Variants in RBMX observed in about 807,000 individuals in gnomAD.
The protein encoded by RBMX is RNA-binding motif protein, X chromosome.
A neutral mutation model predicts 29.3 loss-of-function variants in RBMX; 1 was observed. The observed-to-expected ratio is 0.03, with a 90% CI of 0.01 to 0.16. The LOEUF is 0.16. Ranked by LOEUF, RBMX falls within the 10% of genes least tolerant of loss-of-function variation. The probability of loss-of-function intolerance (pLI) is 1.00; values close to 1 mark genes in which losing one functional copy is unlikely to be tolerated. For synonymous variants in RBMX, 102 were observed against 102.3 expected, an observed-to-expected ratio of 1.00 and a Z score of 0.02; for missense variants, 121 against 333.2, an observed-to-expected ratio of 0.36 and a Z score of 4.96.
intron 3 of RBMX, among the ~76,000 whole-genome samples, chrX:136,878,745 CAAAA>C (rs749152530): frequency 2.7e-5 from 1 of 37,107 alleles, no homozygotes; most frequent in African/African-American, 8.9e-5. Context: ...GGGAGACTAT[CAAAA>C]AAAAAAAAAA....
downstream of RBMX, chrX:136,872,698 C>A (rs1236241512): frequency 1.8e-5 from 3 of 166,070 alleles, no homozygotes; most frequent in Middle Eastern, 2.1e-3. Flanking sequence ...GCATCTTTTT[C>A]AACTTCATGG....
At chrX:136,878,281 A>G (rs1207426689) in intron 3 of RBMX, among the ~76,000 whole-genome samples, 195 bp from the exon 4 acceptor site, 1 of 110,910 alleles carries the variant, frequency 9.0e-6, no homozygotes, top group Admixed American at 9.7e-5. Flanking sequence ...AATACTTAAA[A>G]CCGATACTGA....
downstream of RBMX, chrX:136,872,771 C>T (rs1159392835): frequency 7.7e-6 from 1 of 130,419 alleles, no homozygotes; most frequent in Non-Finnish European, 1.5e-5. Context: ...TAGATTTTCT[C>T]CATACAGTGT....
intron 5 of RBMX, among the ~76,000 whole-genome samples, chrX:136,875,861 G>A (rs752627094): frequency 1.8e-4 from 19 of 108,426 alleles, no homozygotes; most frequent in Middle Eastern, 4.7e-3. Context: ...GAGTGCAGTC[G>A]CGCAATCTTG....
chrX:136,870,150 T>C (rs1428691545), downstream of RBMX: 1 of 112,717 alleles, frequency 8.9e-6, no homozygotes, highest in African/African-American at 3.2e-5. Context: ...AGCTGTAAAA[T>C]CTATGTGAAG....
downstream of RBMX, among the ~76,000 whole-genome samples, chrX:136,870,659 T>C (rs1035169534): frequency 1.8e-5 from 2 of 108,257 alleles, no homozygotes; most frequent in Admixed American, 2.0e-4. Flanking sequence ...AGTGAAACCC[T>C]GTCTCTACAA....
downstream of RBMX, chrX:136,872,302 G>T: frequency 8.6e-7 from 1 of 1,165,776 alleles, no homozygotes; most frequent in South Asian, 1.9e-5. Context: ...TATCTACTGT[G>T]AATCAATCAG....
In RBMX at chrX:136,873,693, T is replaced by C. The variant is rs1359277128; in HGVS notation, c.*449A>G. 41 of 760,414 alleles carry C rather than the reference T, an allele frequency of 5.4e-5. No homozygotes were observed. The highest frequency in any genetic ancestry group is 1.3e-4 in the South Asian group (2 of 15,078). 62.7% of individuals were successfully genotyped at this position (760,414 alleles called of 1,213,427 possible). A position where few individuals can be genotyped will look rare whatever the true frequency, so the allele number is the denominator to read the frequency against. ...CGTACTGAGAACATTGAGATTTCAG[T>C]TGGAAGACACCCTGAAATCTTATGA... is the stretch of plus-strand genomic sequence containing the variant. On this transcript the variant is annotated 3_prime_UTR_variant, in exon 9 of 9. Coordinates refer to ENST00000320676, the MANE Select transcript of RBMX (RefSeq NM_002139.4).
Position 136,879,305 on chromosome X carries a change from G to T in RBMX, c.109+14C>A. 8.4e-7 allele frequency: 1 copy of T among 1,189,831 alleles called. No homozygotes were observed. The highest frequency in any genetic ancestry group is 1.1e-6 in the Non-Finnish European group (1 of 875,944). The stretch of plus-strand genomic sequence containing the variant: ...TAATTATAATAGCCCAGCCTGTACT[G>T]CCAGACAACTCACCTTCCACTATTC... On this transcript the variant is annotated intron_variant, in intron 2 of 8. Transcript: ENST00000320676.
intron 5 of RBMX, among the ~76,000 whole-genome samples, chrX:136,875,840 C>T (rs775782569): frequency 9.2e-6 from 1 of 108,317 alleles, no homozygotes; most frequent in African/African-American, 3.4e-5. Flanking sequence ...CTCGCTCTGT[C>T]ACCCAGGCTG....
chrX:136,875,011 C>T, intron 8 of RBMX, 75 bp downstream of exon 8: 1 of 1,187,125 alleles, frequency 8.4e-7, no homozygotes, highest in Non-Finnish European at 1.1e-6. Context: ...GCAAGCACCA[C>T]ACAGCCTAAT....
At chrX:136,879,290 A>C (rs1185511379) in intron 2 of RBMX, 29 bp downstream of exon 2, 1 of 1,199,713 alleles carries the variant, frequency 8.3e-7, no homozygotes, top group African/African-American at 1.8e-5. Flanking sequence ...TAATTATAAT[A>C]GCCCAGCCTG....
rs746038728 is a variant in RBMX, at chrX:136,875,462, T to C, written c.656+9A>G. On this transcript the variant is annotated intron_variant, in intron 6 of 8. Coordinates refer to ENST00000320676, the MANE Select transcript of RBMX (RefSeq NM_002139.4). ...ATTATTAATTTAAAAAGCTGCACTTTTCTATTACCTGTCTTTAGTAGAATA... is the reference window on the plus strand; with the variant it reads ...ATTATTAATTTAAAAAGCTGCACTTCTCTATTACCTGTCTTTAGTAGAATA... 2.5e-6 allele frequency: 3 copies of C among 1,209,208 alleles called. No individual in the cohort carries two copies. Among genetic ancestry groups the C allele is most frequent in the East Asian group, 5.9e-5 (2 of 33,831 alleles).
chrX:136,872,136 TTCA>T (rs1444471410), downstream of RBMX: 16 of 496,611 alleles, frequency 3.2e-5, no homozygotes, highest in South Asian at 4.5e-4. Flanking sequence ...AGCACTTAAC[TTCA>T]TCAATTCCAA....
downstream of RBMX, chrX:136,870,494 T>G (rs1177323828): frequency 8.9e-6 from 1 of 112,716 alleles, no homozygotes; most frequent in Non-Finnish European, 1.9e-5. Flanking sequence ...AACTATCATT[T>G]AAATATATAC....
At position 136,875,458 on chromosome X, in the gene RBMX, A is replaced by C. The variant is rs1303088719; in HGVS notation, c.656+13T>G. ...CTTAATTATTAATTTAAAAAGCTGC[A>C]CTTTTCTATTACCTGTCTTTAGTAG... On this transcript the variant is annotated intron_variant, in intron 6 of 8. Coordinates refer to ENST00000320676, the MANE Select transcript of RBMX (RefSeq NM_002139.4). 1 of 1,206,858 alleles carries C rather than the reference A, an allele frequency of 8.3e-7. No individual in the cohort carries two copies. Among genetic ancestry groups the C allele is most frequent in the African/African-American group, 1.8e-5 (1 of 56,961 alleles).
At chrX:136,879,201 G>A in intron 2 of RBMX, 78 bp from the exon 3 acceptor site, 1 of 1,202,199 alleles carries the variant, frequency 8.3e-7, no homozygotes, top group Non-Finnish European at 1.1e-6. Context: ...TAAACAGAAA[G>A]CTCAGAACTT....
At chrX:136,877,011 C>A (rs982705474) in intron 4 of RBMX, among the ~76,000 whole-genome samples, 1 of 107,471 alleles carries the variant, frequency 9.3e-6, no homozygotes, top group African/African-American at 3.4e-5. Flanking sequence ...CAGGCTCGGC[C>A]ACTATAAAAG....
Position 136,873,995 on chromosome X carries a change from CAT to C in RBMX, c.*145_*146del. The C allele has an allele frequency of 1.8e-6, 2 of 1,094,240 alleles. No individual in the cohort carries two copies. Among genetic ancestry groups the C allele is most frequent in the African/African-American group, 1.8e-5 (1 of 54,138 alleles). The allele number at this position is 1,094,240 out of a possible 1,213,427, so 90.2% of individuals were successfully genotyped here. A position where few individuals can be genotyped will look rare whatever the true frequency, so the allele number is the denominator to read the frequency against. On this transcript the variant is annotated 3_prime_UTR_variant, in exon 9 of 9. Coordinates refer to ENST00000320676, the MANE Select transcript of RBMX (RefSeq NM_002139.4). ...TGTTTTACTTTTTTCCTCACAAGAA[CAT>C]AAAAATTATGGAGGGGAACTTAACA...
Sources: gnomAD v4.1 joint callset for allele counts (sites outside exome capture counted in the v4.1 genomes callset) on GRCh38, gnomAD v4.1.1 for gene constraint, MANE v1.5 for transcripts, NCBI Gene and HGNC (gene_info 2026-07-23, HGNC 2026-07-21) for gene names.